The following HYAL4 variants were observed in gnomAD, a reference collection of about 807,000 sequenced individuals.
The protein encoded by HYAL4 is hyaluronidase-4.
Under a neutral mutation model 35.2 loss-of-function variants are expected in HYAL4, and 37 were observed. The observed-to-expected ratio is 1.05, with a 90% CI of 0.81 to 1.38. The LOEUF (loss-of-function observed/expected upper bound fraction) is 1.38, where lower values mean the gene tolerates loss of function less well. Ranked by LOEUF, HYAL4 falls within the 40% of genes most tolerant of loss-of-function variation. The pLI is 0.00. For missense variants in HYAL4, 572 were observed against 572.4 expected (o/e 1.00, Z 0.01); for synonymous variants, 198 against 203.2 (o/e 0.97, Z 0.22).
At chr7:123,796,971 A>G in the HYAL4 span, among the ~76,000 whole-genome samples, 6 of 151,638 alleles carry the variant, frequency 4.0e-5, no homozygotes, top group Non-Finnish European at 8.8e-5. Context: ...ACAAGATCTC[A>G]AAAAAAAAGT....
At chr7:123,810,277 A>AG in the HYAL4 span, among the ~76,000 whole-genome samples, 1 of 152,090 alleles carries the variant, frequency 6.6e-6, no homozygotes, top group Non-Finnish European at 1.5e-5. Context: ...TCTTCTTGTG[A>AG]GGGGTTTCAT....
chr7:123,763,727 A>C, the HYAL4 span, among the ~76,000 whole-genome samples: 1 of 152,172 alleles, frequency 6.6e-6, no homozygotes, highest in African/African-American at 2.4e-5. Flanking sequence ...GCATGCTGTC[A>C]CCTCTCAATG....
In HYAL4 at chr7:123,868,583, C is replaced by T. The variant is rs766989336; in HGVS notation, c.310C>T (p.Gln104Ter). ...GGGATACTATCCGTGGTATACATCACAAGGGGTCCCCATTAATGGAGGTCT... is the reference window on the plus strand; with the variant it reads ...GGGATACTATCCGTGGTATACATCATAAGGGGTCCCCATTAATGGAGGTCT... ...RLGYYPWYTS[Q>*]GVPINGGLPQ... The change falls in exon 3 of 5, where the codon CAA becomes TAA. Residue 104 changes from glutamine to a stop codon, truncating the protein, a stop_gained. Transcript: ENST00000223026. LOFTEE classifies it high-confidence loss of function. 5 of 1,614,070 alleles carry T rather than the reference C, an allele frequency of 3.1e-6. No individual in the cohort carries two copies. The highest frequency in any genetic ancestry group is 1.6e-4 in the Middle Eastern group (1 of 6,084).
chr7:123,807,934 T>TTATTAC, the HYAL4 span, among the ~76,000 whole-genome samples: 82 of 146,348 alleles, frequency 5.6e-4, no homozygotes, highest in African/African-American at 2.0e-3. Context: ...ATTATTATTA[T>TTATTAC]TATTATTATT....
In HYAL4 at chr7:123,876,855, G is replaced by T; in HGVS notation, c.1146G>T (p.Arg382Ser). ...AAEVCSLHLCRNNGRCIRKMW... is the reference protein window; with the variant it reads ...AAEVCSLHLCSNNGRCIRKMW... ...AGGTATGCAGCCTTCACCTCTGCAG[G>T]AACAATGGCAGGTGCATAAGGAAGA... Residue 382 changes from arginine to serine, a missense_variant, in exon 5 of 5, where the codon AGG (arginine) becomes AGT (serine). Coordinates refer to ENST00000223026, the MANE Select transcript of HYAL4 (RefSeq NM_012269.3). The T allele has an allele frequency of 6.2e-7, 1 of 1,614,156 alleles. No homozygotes were observed. The highest frequency in any genetic ancestry group is 8.5e-7 in the Non-Finnish European group (1 of 1,180,028).
At chr7:123,847,405 A>C (rs1258983122) in intron 1 of HYAL4, among the ~76,000 whole-genome samples, 1 of 152,156 alleles carries the variant, frequency 6.6e-6, no homozygotes, top group Non-Finnish European at 1.5e-5. Flanking sequence ...TGTTGTATTT[A>C]CTCAGGATGA....
upstream of HYAL4, among the ~76,000 whole-genome samples, chr7:123,844,830 C>A (rs114594747): frequency 0.043 from 6,551 of 152,262 alleles, 161 homozygotes; most frequent in Middle Eastern, 0.082. Flanking sequence ...GCGTGGGACC[C>A]ACCGAGCCAG....
At chr7:123,834,603 C>T (rs536508043) in intron 1 of HYAL4, among the ~76,000 whole-genome samples, 26 of 152,260 alleles carry the variant, frequency 1.7e-4, no homozygotes, top group African/African-American at 5.5e-4. Context: ...CTGGCTAAGA[C>T]TTCCAGTACT....
upstream of HYAL4, among the ~76,000 whole-genome samples, chr7:123,827,973 T>G (rs994783936): frequency 2.0e-5 from 3 of 152,210 alleles, no homozygotes; most frequent in Admixed American, 6.5e-5. Context: ...TCAAGATTCC[T>G]GCCAGGCTCT....
chr7:123,782,086 C>T, the HYAL4 span, among the ~76,000 whole-genome samples: 1 of 152,150 alleles, frequency 6.6e-6, no homozygotes, highest in Non-Finnish European at 1.5e-5. Context: ...GCTTCCCCTG[C>T]CTCTGCCTTG....
At chr7:123,875,951 C>G (rs1584930186) in intron 4 of HYAL4, 1 of 450,750 alleles carries the variant, frequency 2.2e-6, no homozygotes, top group East Asian at 7.0e-5. Flanking sequence ...AGATAGTGTT[C>G]ATGAAACTGT....
chr7:123,855,303 G>A (rs1248897721), intron 2 of HYAL4, among the ~76,000 whole-genome samples: 1 of 152,098 alleles, frequency 6.6e-6, no homozygotes, highest in Admixed American at 6.5e-5. Flanking sequence ...AGTGTTGATG[G>A]TCTTTACATT....
intron 1 of HYAL4, among the ~76,000 whole-genome samples, chr7:123,829,874 A>T (rs964356525): frequency 3.9e-5 from 6 of 152,170 alleles, no homozygotes; most frequent in African/African-American, 1.4e-4. Context: ...AAGCACACAT[A>T]TATTTGGTGG....
chr7:123,770,366 C>T, the HYAL4 span, among the ~76,000 whole-genome samples: 5 of 150,512 alleles, frequency 3.3e-5, no homozygotes, highest in Non-Finnish European at 7.4e-5. Context: ...GGCGTGAACC[C>T]GGGAGGCGGA....
chr7:123,821,570 T>G, the HYAL4 span, among the ~76,000 whole-genome samples: 28 of 152,330 alleles, frequency 1.8e-4, 1 homozygote, highest in South Asian at 1.2e-3. Context: ...GACATATGGT[T>G]TGGAAATATT....
rs1268583672 is a variant in HYAL4, at chr7:123,874,788, A to G, written c.982A>G (p.Ser328Gly). Residue 328 changes from serine (S) to glycine (G), a missense_variant, in exon 4 of 5, where the codon AGT (serine) becomes GGT (glycine). Transcript: ENST00000223026. ...AGATCTAGTCAGCACCATAGGAGAA[A>G]GTGCTGCCTTGGGAGCTGCAGGCAT... ...KQDLVSTIGE[S>G]AALGAAGIVI... is the part of the protein sequence containing the mutation. 1.2e-6 allele frequency: 2 copies of G among 1,607,780 alleles called. No individual in the cohort carries two copies. The highest frequency in any genetic ancestry group is 1.7e-6 in the Non-Finnish European group (2 of 1,174,236).
chr7:123,836,235 A>G (rs1475092339), intron 1 of HYAL4, among the ~76,000 whole-genome samples: 1 of 152,104 alleles, frequency 6.6e-6, no homozygotes. Context: ...GTCTAGTAGT[A>G]ATTGTTTTAT....
upstream of HYAL4, among the ~76,000 whole-genome samples, chr7:123,824,319 C>A (rs756899339): frequency 6.6e-6 from 1 of 152,098 alleles, no homozygotes; most frequent in Non-Finnish European, 1.5e-5. Flanking sequence ...TCCCCACACA[C>A]CAGGCTTGGA....
At chr7:123,776,624 C>T in the HYAL4 span, among the ~76,000 whole-genome samples, 1 of 152,096 alleles carries the variant, frequency 6.6e-6, no homozygotes, top group Non-Finnish European at 1.5e-5. Flanking sequence ...CGCTATGTTG[C>T]AGTTGGCTGC....
Sources: allele counts gnomAD v4.1 joint callset (sites outside exome capture counted in the v4.1 genomes callset), GRCh38; gene constraint gnomAD v4.1.1; transcripts MANE v1.5; gene names NCBI Gene and HGNC (gene_info 2026-07-23, HGNC 2026-07-21).